Variants in PIGK observed in about 807,000 individuals in gnomAD.
PIGK encodes the protein phosphatidylinositol glycan anchor biosynthesis class K, also known as GPI-anchor transamidase.
Under a neutral mutation model 50.6 loss-of-function variants are expected in PIGK, and 42 were observed. That is an observed-to-expected ratio of 0.83 (90% confidence interval 0.65 to 1.07). The LOEUF is 1.07. Among genes scored for constraint, PIGK ranks in the 50% least tolerant of loss-of-function variants. The pLI is 0.00. For synonymous variants in PIGK, 151 were observed against 156.0 expected, an observed-to-expected ratio of 0.97 and a Z score of 0.24; for missense variants, 448 against 488.7, an observed-to-expected ratio of 0.92 and a Z score of 0.78.
At chr1:77,185,127 A>G (rs1230266937) in intron 3 of PIGK, among the ~76,000 whole-genome samples, 2 of 152,224 alleles carry the variant, frequency 1.3e-5, no homozygotes, top group African/African-American at 4.8e-5. Context: ...GTAGCCACTG[A>G]TTCGGCAAAT....
intron 9 of PIGK, among the ~76,000 whole-genome samples, chr1:77,146,276 A>T (rs1315671317): frequency 1.3e-5 from 2 of 152,216 alleles, no homozygotes; most frequent in Admixed American, 1.3e-4. Flanking sequence ...ACCCTGGTTA[A>T]GCAAAGACTG....
intron 9 of PIGK, among the ~76,000 whole-genome samples, chr1:77,142,800 A>G (rs535394170): frequency 1.3e-5 from 2 of 152,266 alleles, no homozygotes; most frequent in Non-Finnish European, 1.5e-5. Flanking sequence ...CTCTCCACAC[A>G]TGGGGATTAC....
intron 3 of PIGK, among the ~76,000 whole-genome samples, chr1:77,199,146 G>C (rs1331883605): frequency 6.6e-6 from 1 of 152,008 alleles, no homozygotes; most frequent in Non-Finnish European, 1.5e-5. Flanking sequence ...CTAAACATAA[G>C]AGCATCAAGG....
chr1:77,102,881 A>G (rs1297399371), intron 10 of PIGK, among the ~76,000 whole-genome samples: 2 of 152,224 alleles, frequency 1.3e-5, no homozygotes, highest in African/African-American at 4.8e-5. Context: ...CTTCTTTAGT[A>G]TATAAAATAA....
At chr1:77,137,355 T>C (rs1221460842) in intron 9 of PIGK, among the ~76,000 whole-genome samples, 2 of 152,218 alleles carry the variant, frequency 1.3e-5, no homozygotes, top group Non-Finnish European at 2.9e-5. Context: ...AATCAAAAGC[T>C]AAATATGTGG....
chr1:77,204,901 A>G (rs1436949980), intron 3 of PIGK, among the ~76,000 whole-genome samples: 22 of 152,208 alleles, frequency 1.4e-4, no homozygotes, highest in Non-Finnish European at 1.3e-4. Context: ...ATTTCTATTT[A>G]TTAAATAACA....
At chr1:77,173,884 T>C (rs1098128) in intron 3 of PIGK, among the ~76,000 whole-genome samples, 150,143 of 152,370 alleles carry the variant, frequency 0.99, 74,008 homozygotes, top group Middle Eastern at 1. Context: ...AACTGTGTAA[T>C]CATGTGGTGG....
At chr1:77,129,019 A>G in intron 9 of PIGK, 1 of 733,982 alleles carries the variant, frequency 1.4e-6, no homozygotes, top group Non-Finnish European at 2.5e-6. Flanking sequence ...AGAGCTGCAT[A>G]TTTACAACTG....
chr1:77,195,235 C>A (rs182845801), intron 3 of PIGK: 5 of 1,236,800 alleles, frequency 4.0e-6, no homozygotes, highest in Non-Finnish European at 5.9e-6. Context: ...ACTGGCAGGG[C>A]GACCTGCAGC....
intron 10 of PIGK, among the ~76,000 whole-genome samples, chr1:77,102,440 G>A (rs1474115905): frequency 6.6e-6 from 1 of 152,186 alleles, no homozygotes; most frequent in East Asian, 1.9e-4. Flanking sequence ...CTTCAGTGTG[G>A]TAGAAGGAGG....
rs555687355 is a variant in PIGK, at chr1:77,090,011, A to T, written c.*2363T>A. On this transcript the variant is annotated 3_prime_UTR_variant, in exon 11 of 11. Transcript: ENST00000370812. ...CACATTGAGTAGCTTAGAAAGCTAC[A>T]TAAGTGCACTGTGACCATTAACTTC... is the stretch of plus-strand genomic sequence containing the variant. 32 of 152,374 alleles carry T rather than the reference A, an allele frequency of 2.1e-4. No homozygotes were observed. In the East Asian group the frequency reaches 6.2e-3, roughly 29 times the overall value. The allele number at this position is 152,374 out of a possible 1,614,324, so 9.4% of individuals were successfully genotyped here.
intron 3 of PIGK, among the ~76,000 whole-genome samples, chr1:77,204,236 C>T (rs1457291874): frequency 6.6e-6 from 1 of 152,128 alleles, no homozygotes; most frequent in Non-Finnish European, 1.5e-5. Flanking sequence ...GAATGTCTGT[C>T]TTATACGGTT....
At chr1:77,154,415 GTATTC>G (rs774559596) in intron 9 of PIGK, 29 bp downstream of exon 9, 1 of 1,482,534 alleles carries the variant, frequency 6.7e-7, no homozygotes, top group African/African-American at 1.4e-5. Context: ...TGTGAGACTA[GTATTC>G]TATTCAAATA....
intron 1 of PIGK, among the ~76,000 whole-genome samples, chr1:77,213,298 A>G (rs1289791374): frequency 1.3e-5 from 2 of 152,222 alleles, no homozygotes; most frequent in Non-Finnish European, 2.9e-5. Flanking sequence ...TCCAGGACAG[A>G]CTGACCATGT....
At chr1:77,145,273 T>C (rs748089694) in intron 9 of PIGK, among the ~76,000 whole-genome samples, 3 of 151,982 alleles carry the variant, frequency 2.0e-5, no homozygotes, top group Non-Finnish European at 2.9e-5. Context: ...GTAGGTCCTT[T>C]ACATTTCCAT....
chr1:77,132,365 A>G (rs185927235), intron 9 of PIGK, among the ~76,000 whole-genome samples: 91 of 151,930 alleles, frequency 6.0e-4, no homozygotes, highest in African/African-American at 1.8e-3. Context: ...TTTTTCTGCT[A>G]TCAACTTGAT....
At chr1:77,158,547 C>T (rs1298402252) in intron 8 of PIGK, among the ~76,000 whole-genome samples, 1 of 152,068 alleles carries the variant, frequency 6.6e-6, no homozygotes, top group Non-Finnish European at 1.5e-5. Context: ...TTCTTAGAGA[C>T]TTGTTGAATG....
intron 9 of PIGK, among the ~76,000 whole-genome samples, chr1:77,149,931 A>G (rs938448298): frequency 3.9e-5 from 6 of 152,180 alleles, no homozygotes; most frequent in African/African-American, 9.6e-5. Context: ...CTAAAAGTCA[A>G]TAACAAGAGG....
At chr1:77,190,198 G>A (rs1210171969) in intron 3 of PIGK, among the ~76,000 whole-genome samples, 2 of 151,642 alleles carry the variant, frequency 1.3e-5, no homozygotes, top group Admixed American at 1.3e-4. Context: ...GACCAGCCTG[G>A]GCCACTTGGT....
Sources: allele counts gnomAD v4.1 joint callset (sites outside exome capture counted in the v4.1 genomes callset), GRCh38; gene constraint gnomAD v4.1.1; transcripts MANE v1.5; gene names NCBI Gene and HGNC (gene_info 2026-07-23, HGNC 2026-07-21).